The following SCLT1 variants were observed in gnomAD, a reference collection of about 807,000 sequenced individuals.
The protein encoded by SCLT1 is sodium channel-associated protein 1.
Under a neutral mutation model 112.8 loss-of-function variants are expected in SCLT1, and 78 were observed. That is an observed-to-expected ratio of 0.69 (90% CI 0.58 to 0.83). The LOEUF (loss-of-function observed/expected upper bound fraction) is 0.83, where lower values mean the gene tolerates loss of function less well. Among genes scored for constraint, SCLT1 ranks in the 40% least tolerant of loss-of-function variants. The pLI is 0.00. For missense variants in SCLT1, 747 were observed against 770.4 expected (o/e 0.97, Z 0.36); for synonymous variants, 257 against 254.7 (o/e 1.01, Z -0.09).
In SCLT1 at chr4:128,891,086, C is replaced by T. The variant is rs1171955238; in HGVS notation, c.1881G>A (p.Leu627=). 1 of 1,612,848 alleles carries T rather than the reference C, an allele frequency of 6.2e-7. No individual in the cohort carries two copies. Among genetic ancestry groups the T allele is most frequent in the Non-Finnish European group, 8.5e-7 (1 of 1,179,372 alleles). ...KLHTQELLSQ[L]EMANEKVAEN... ...CAGCTACCTTTTCATTTGCCATTTC[C>T]AGCTGAGAAAGCAGCTCTTGGGTAT... Residue 627 remains leucine, a synonymous_variant, in exon 19 of 21, where the codon CTG becomes CTA. Transcript: ENST00000281142.
chr4:128,942,951 C>T, intron 17 of SCLT1, 45 bp downstream of exon 17: 1 of 1,428,454 alleles, frequency 7.0e-7, no homozygotes, highest in East Asian at 2.3e-5. Context: ...ATTCTCTATA[C>T]TTTGATTTTC....
intron 12 of SCLT1, among the ~76,000 whole-genome samples, chr4:128,959,291 C>T (rs1579507871): frequency 6.7e-6 from 1 of 150,284 alleles, no homozygotes; most frequent in Non-Finnish European, 1.5e-5. Flanking sequence ...ATAGGGTATA[C>T]TGAAGTAAAG....
intron 18 of SCLT1, among the ~76,000 whole-genome samples, chr4:128,893,971 ACT>A (rs1394993783): frequency 6.8e-6 from 1 of 147,208 alleles, no homozygotes; most frequent in Non-Finnish European, 1.5e-5. Flanking sequence ...AGAGGGTCTC[ACT>A]CTGTCACCCA....
intron 6 of SCLT1, 66 bp downstream of exon 6, chr4:129,003,675 T>G: frequency 8.2e-7 from 1 of 1,215,968 alleles, no homozygotes; most frequent in Non-Finnish European, 1.2e-6. Context: ...TAAATAATGA[T>G]TAACATGAAT....
At chr4:129,050,789 T>A (rs1240089552) in intron 2 of SCLT1, among the ~76,000 whole-genome samples, 1 of 152,206 alleles carries the variant, frequency 6.6e-6, no homozygotes, top group Non-Finnish European at 1.5e-5. Context: ...GGTGTTTTAG[T>A]CATGAAGTCT....
At chr4:128,940,047 G>T (rs980214920) in intron 17 of SCLT1, among the ~76,000 whole-genome samples, 3 of 151,812 alleles carry the variant, frequency 2.0e-5, no homozygotes, top group Non-Finnish European at 4.4e-5. Context: ...AGATATGTGG[G>T]GTAGATAAAC....
chr4:129,010,401 C>G (rs557677537), intron 5 of SCLT1, among the ~76,000 whole-genome samples: 86 of 152,232 alleles, frequency 5.6e-4, no homozygotes, highest in African/African-American at 2.0e-3. Context: ...TATCTGGACT[C>G]TTTTTTCGTT....
chr4:129,057,229 T>C (rs1443523422), intron 2 of SCLT1, among the ~76,000 whole-genome samples: 2 of 152,180 alleles, frequency 1.3e-5, no homozygotes. Context: ...GGATTCTTTT[T>C]CCAATTATTT....
intron 2 of SCLT1, among the ~76,000 whole-genome samples, chr4:129,064,350 C>T (rs1272514156): frequency 6.6e-6 from 1 of 152,076 alleles, no homozygotes; most frequent in Non-Finnish European, 1.5e-5. Context: ...ATGGACCTTG[C>T]TTTTTCCTTT....
intron 2 of SCLT1, among the ~76,000 whole-genome samples, chr4:129,049,016 T>C (rs1243496211): frequency 1.3e-5 from 2 of 151,872 alleles, no homozygotes; most frequent in African/African-American, 2.4e-5. Context: ...ATAGGAACAC[T>C]TTGACACTGT....
chr4:129,025,616 C>T (rs1366869084), intron 5 of SCLT1, among the ~76,000 whole-genome samples: 1 of 152,064 alleles, frequency 6.6e-6, no homozygotes, highest in African/African-American at 2.4e-5. Flanking sequence ...TAAAGACCAT[C>T]GAGGCTAGGA....
intron 9 of SCLT1, among the ~76,000 whole-genome samples, chr4:128,977,347 A>G (rs551332954): frequency 3.7e-4 from 57 of 152,272 alleles, no homozygotes; most frequent in South Asian, 1.7e-3. Context: ...ACCTACATGT[A>G]CTATACCAAG....
Position 128,948,534 on chromosome 4 carries a change from T to C in SCLT1, c.1255A>G (p.Ile419Val), listed in dbSNP as rs771772363. ...AEKQGQIERV[I>V]KEKKAVEEEL... ...TCTTCCACTGCTTTTTTTTCCTTAATGACTCGTTCAATTTGGCCTTGTTTT... is the reference window on the plus strand; with the variant it reads ...TCTTCCACTGCTTTTTTTTCCTTAACGACTCGTTCAATTTGGCCTTGTTTT... The change falls in exon 15 of 21, where the codon ATT becomes GTT. Residue 419 changes from isoleucine to valine, a missense_variant. Around this residue, in one of 2 missense-constraint regions of SCLT1, gnomAD observed 723 missense variants for 721.3 expected, o/e 1.00. Transcript: ENST00000281142. 1.9e-6 allele frequency: 3 copies of C among 1,609,226 alleles called. No homozygotes were observed. The highest frequency in any genetic ancestry group is 1.7e-6 in the Non-Finnish European group (2 of 1,176,738).
chr4:129,024,188 T>C (rs898815071), intron 5 of SCLT1, among the ~76,000 whole-genome samples: 7 of 152,130 alleles, frequency 4.6e-5, no homozygotes, highest in Admixed American at 2.0e-4. Context: ...AAGAGAGCAG[T>C]GGTTTTCCCA....
intron 5 of SCLT1, among the ~76,000 whole-genome samples, chr4:129,006,116 T>A (rs1190252413): frequency 6.6e-6 from 1 of 151,480 alleles, no homozygotes; most frequent in Non-Finnish European, 1.5e-5. Flanking sequence ...GGTATACATA[T>A]GTAACTAACC....
At chr4:128,965,565 C>A (rs1420585475) in intron 10 of SCLT1, among the ~76,000 whole-genome samples, 1 of 152,098 alleles carries the variant, frequency 6.6e-6, no homozygotes, top group African/African-American at 2.4e-5. Flanking sequence ...AGATTTCTAC[C>A]AATATTTCAA....
chr4:129,089,968 A>G (rs1432488348), intron 1 of SCLT1, among the ~76,000 whole-genome samples: 1 of 152,198 alleles, frequency 6.6e-6, no homozygotes, highest in Non-Finnish European at 1.5e-5. Context: ...CCTATGTAAC[A>G]AAACTGCACG....
chr4:128,948,369 A>AAAAAAAAAT, intron 15 of SCLT1, 127 bp downstream of exon 15: 1 of 1,104,286 alleles, frequency 9.1e-7, no homozygotes, highest in Non-Finnish European at 1.2e-6. Context: ...AGAAAAGAAA[A>AAAAAAAAAT]GAAAAACTTA....
intron 18 of SCLT1, among the ~76,000 whole-genome samples, chr4:128,912,515 GAT>G (rs1735178919): frequency 2.0e-5 from 3 of 152,088 alleles, no homozygotes; most frequent in African/African-American, 7.2e-5. Context: ...TACTTCAGTA[GAT>G]ACATTTTATT....
Sources: gnomAD v4.1 joint callset for allele counts (sites outside exome capture counted in the v4.1 genomes callset) on GRCh38, gnomAD v4.1.1 for gene constraint, gnomAD v4.1.1 regional missense constraint, MANE v1.5 for transcripts, NCBI Gene and HGNC (gene_info 2026-07-23, HGNC 2026-07-21) for gene names.